GRIP1: variants seen among roughly 807,000 people sequenced by gnomAD.
The protein encoded by GRIP1 is glutamate receptor interacting protein 1, also known as glutamate receptor-interacting protein 1.
Under a neutral mutation model 129.9 loss-of-function variants are expected in GRIP1, and 45 were observed. That is an observed-to-expected ratio of 0.35 (90% CI 0.27 to 0.44). GRIP1 has a LOEUF of 0.44. Ranked by LOEUF, GRIP1 falls within the 20% of genes least tolerant of loss-of-function variation. GRIP1 has a pLI of 1.00. For missense variants in GRIP1, 1,196 were observed against 1,396.8 expected, an observed-to-expected ratio of 0.86 and a Z score of 2.29; for synonymous variants, 530 against 520.8, an observed-to-expected ratio of 1.02 and a Z score of -0.24.
chr12:66,834,077 C>G (rs1447003361), intron 1 of GRIP1, among the ~76,000 whole-genome samples: 3 of 147,274 alleles, frequency 2.0e-5, no homozygotes, highest in Admixed American at 7.0e-5. Flanking sequence ...ACTCCGGAGT[C>G]TGAGGAAGGA....
chr12:66,352,668 G>A (rs1186884549), intron 24 of GRIP1, among the ~76,000 whole-genome samples: 2 of 144,204 alleles, frequency 1.4e-5, no homozygotes, highest in Non-Finnish European at 3.0e-5. Context: ...AGGAGGCAGA[G>A]GTTGCAGTGA....
At chr12:66,464,882 T>C (rs918334524) in intron 8 of GRIP1, among the ~76,000 whole-genome samples, 1 of 151,372 alleles carries the variant, frequency 6.6e-6, no homozygotes, top group African/African-American at 2.4e-5. Context: ...TGTGTGTACA[T>C]ATGTATGTAT....
At chr12:66,962,174 T>C (rs1373770523) in intron 1 of GRIP1, among the ~76,000 whole-genome samples, 1 of 152,210 alleles carries the variant, frequency 6.6e-6, no homozygotes, top group Non-Finnish European at 1.5e-5. Context: ...TAGCCCAAGC[T>C]AACAGTTTTA....
At chr12:66,748,826 A>G (rs1167887037) in intron 1 of GRIP1, among the ~76,000 whole-genome samples, 1 of 152,138 alleles carries the variant, frequency 6.6e-6, no homozygotes, top group Non-Finnish European at 1.5e-5. Flanking sequence ...CCATTTTTAA[A>G]CCAATTGTTT....
chr12:66,922,815 T>C (rs2041234884), intron 1 of GRIP1, among the ~76,000 whole-genome samples: 1 of 152,186 alleles, frequency 6.6e-6, no homozygotes, highest in African/African-American at 2.4e-5. Flanking sequence ...TGAGGTGGTC[T>C]TGAGGATAGA....
intron 1 of GRIP1, among the ~76,000 whole-genome samples, chr12:66,791,899 C>A (rs889942020): frequency 7.9e-5 from 12 of 152,046 alleles, no homozygotes; most frequent in African/African-American, 2.4e-4. Context: ...AGCTCCCACT[C>A]AAAAATGGGA....
intron 1 of GRIP1, among the ~76,000 whole-genome samples, chr12:66,865,599 C>T (rs2040190870): frequency 2.6e-5 from 2 of 76,340 alleles, no homozygotes. Context: ...ATCCATGCAT[C>T]CATCCATCCA....
chr12:66,352,426 G>C (rs1162065053), intron 24 of GRIP1, among the ~76,000 whole-genome samples: 1 of 152,164 alleles, frequency 6.6e-6, no homozygotes, highest in African/African-American at 2.4e-5. Flanking sequence ...AACAAATCCA[G>C]CTGAAGCTAG....
chr12:66,356,858 TTTTTTA>T (rs1468112052), intron 23 of GRIP1, among the ~76,000 whole-genome samples: 1 of 152,146 alleles, frequency 6.6e-6, no homozygotes, highest in Non-Finnish European at 1.5e-5. Context: ...TCAAAAATGA[TTTTTTA>T]TTTTTATTTT....
intron 1 of GRIP1, among the ~76,000 whole-genome samples, chr12:66,944,728 G>A (rs2041639056): frequency 1.3e-5 from 2 of 152,122 alleles, no homozygotes; most frequent in Admixed American, 1.3e-4. Context: ...GACTGCTACT[G>A]GGCCATTTCA....
At chr12:66,984,919 A>G (rs886676194) in intron 1 of GRIP1, among the ~76,000 whole-genome samples, 3 of 152,208 alleles carry the variant, frequency 2.0e-5, no homozygotes, top group South Asian at 2.1e-4. Context: ...TGAATCTGCA[A>G]TCCAGGCAGG....
intron 2 of GRIP1, among the ~76,000 whole-genome samples, chr12:66,565,155 T>G (rs2062702769): frequency 6.6e-6 from 1 of 152,228 alleles, no homozygotes; most frequent in Non-Finnish European, 1.5e-5. Flanking sequence ...ATTTTGGCTT[T>G]TGTTGCCATT....
intron 1 of GRIP1, among the ~76,000 whole-genome samples, chr12:66,792,791 C>G (rs986437529): frequency 3.3e-5 from 5 of 152,106 alleles, no homozygotes; most frequent in Non-Finnish European, 7.4e-5. Context: ...AATTACAACA[C>G]TCCAAGTAGA....
chr12:66,771,917 G>A (rs1285571846), intron 1 of GRIP1, among the ~76,000 whole-genome samples: 1 of 152,142 alleles, frequency 6.6e-6, no homozygotes, highest in Non-Finnish European at 1.5e-5. Flanking sequence ...TATTAAAACA[G>A]GATCTGCACA....
At chr12:66,755,933 G>A (rs955971101) in intron 1 of GRIP1, among the ~76,000 whole-genome samples, 3 of 152,164 alleles carry the variant, frequency 2.0e-5, no homozygotes, top group African/African-American at 7.2e-5. Context: ...GCCAATGGCT[G>A]TGTCCCTTGT....
At chr12:66,436,951 G>A (rs1417579000) in intron 13 of GRIP1, among the ~76,000 whole-genome samples, 2 of 138,424 alleles carry the variant, frequency 1.4e-5, no homozygotes, top group Non-Finnish European at 3.0e-5. Flanking sequence ...TCTAGCCTGG[G>A]TAACAGAGCA....
At chr12:66,715,166 G>A (rs1297586583) in intron 1 of GRIP1, among the ~76,000 whole-genome samples, 1 of 151,946 alleles carries the variant, frequency 6.6e-6, no homozygotes, top group African/African-American at 2.4e-5. Flanking sequence ...CTACTGCCAA[G>A]GGCATAAACA....
At chr12:66,842,675 T>C (rs923179058) in intron 1 of GRIP1, among the ~76,000 whole-genome samples, 2 of 152,196 alleles carry the variant, frequency 1.3e-5, no homozygotes, top group African/African-American at 4.8e-5. Context: ...ATGGGACTGA[T>C]AGGGATGTCT....
At chr12:66,969,215 GT>G (rs2042038429) in intron 1 of GRIP1, among the ~76,000 whole-genome samples, 1 of 152,074 alleles carries the variant, frequency 6.6e-6, no homozygotes, top group Non-Finnish European at 1.5e-5. Context: ...TCTACTTTGT[GT>G]TCTCTGAGCT....
Sources: gnomAD v4.1 joint callset for allele counts (sites outside exome capture counted in the v4.1 genomes callset) on GRCh38, gnomAD v4.1.1 for gene constraint, MANE v1.5 for transcripts, NCBI Gene and HGNC (gene_info 2026-07-23, HGNC 2026-07-21) for gene names.